STK40: variants seen among roughly 807,000 people sequenced by gnomAD.
STK40 encodes serine/threonine kinase 40, also known as serine/threonine-protein kinase 40.
STK40 carries 13 observed loss-of-function variants against 47.9 expected under a neutral mutation model. The ratio of observed to expected loss-of-function variants is 0.27; its 90% CI spans 0.18 to 0.43. The LOEUF is 0.43. Among genes scored for constraint, STK40 ranks in the 20% least tolerant of loss-of-function variants. The probability of loss-of-function intolerance (pLI) is 1.00; values close to 1 mark genes in which losing one functional copy is unlikely to be tolerated. For missense variants in STK40, 460 were observed against 595.1 expected, an observed-to-expected ratio of 0.77 and a Z score of 2.36; for synonymous variants, 225 against 243.2, an observed-to-expected ratio of 0.93 and a Z score of 0.69.
At chr1:36,373,788 A>G (rs562089236) in intron 1 of STK40, among the ~76,000 whole-genome samples, 3 of 152,350 alleles carry the variant, frequency 2.0e-5, no homozygotes, top group Admixed American at 2.0e-4. Context: ...ATAATATCAC[A>G]TCATTTAATG....
chr1:36,361,709 C>T (rs1570452086), intron 1 of STK40, among the ~76,000 whole-genome samples: 1 of 152,194 alleles, frequency 6.6e-6, no homozygotes, highest in East Asian at 1.9e-4. Flanking sequence ...GAGAGCCAGC[C>T]CCATCCAGCT....
At chr1:36,381,315 C>T (rs1321959657) in intron 1 of STK40, among the ~76,000 whole-genome samples, 1 of 152,206 alleles carries the variant, frequency 6.6e-6, no homozygotes, top group African/African-American at 2.4e-5. Flanking sequence ...GCCTGCCTAC[C>T]TCTCAGGCAC....
intron 1 of STK40, among the ~76,000 whole-genome samples, chr1:36,367,689 A>ATGAAAC (rs11281467): frequency 0.079 from 11,946 of 152,168 alleles, 1,540 homozygotes; most frequent in African/African-American, 0.27. Context: ...CACTGAGCAG[A>ATGAAAC]TGAAACGCCA....
chr1:36,341,815 G>A lies in STK40; in HGVS notation c.1248C>T (p.Asp416=), dbSNP rs112242536. ...SAPPVRRLGH[D]AQPMTSLDTA... ...TGTCCAAGGAGGTCATGGGCTGTGC[G>A]TCGTGGCCCAGCCGTCGCACCGGTG... The change falls in exon 11 of 11, where the codon GAC becomes GAT. Residue 416 remains aspartate, a synonymous_variant. Coordinates refer to ENST00000373132, the MANE Select transcript of STK40 (RefSeq NM_001282547.2). 31 of 1,613,332 alleles carry A rather than the reference G, an allele frequency of 1.9e-5. No individual in the cohort carries two copies. The highest frequency in any genetic ancestry group is 1.8e-4 in the Middle Eastern group (1 of 5,522).
At chr1:36,354,624 A>G (rs554345311) in intron 5 of STK40, among the ~76,000 whole-genome samples, 16 of 152,162 alleles carry the variant, frequency 1.1e-4, no homozygotes, top group Non-Finnish European at 1.9e-4. Context: ...GCACCTAGTC[A>G]GTGTCTCCCC....
intron 3 of STK40, 60 bp from the exon 4 acceptor site, chr1:36,358,442 A>C: frequency 1.3e-6 from 2 of 1,550,690 alleles, no homozygotes; most frequent in Non-Finnish European, 8.8e-7. Context: ...ACAGCAGAAC[A>C]ACCAGAACGG....
chr1:36,344,797 C>T (rs1646686210), intron 7 of STK40, among the ~76,000 whole-genome samples: 1 of 152,214 alleles, frequency 6.6e-6, no homozygotes, highest in Non-Finnish European at 1.5e-5. Context: ...AGCACGGACC[C>T]AAGTATTTGC....
chr1:36,379,671 C>T (rs961439849), intron 1 of STK40, among the ~76,000 whole-genome samples: 6 of 152,070 alleles, frequency 3.9e-5, no homozygotes, highest in Non-Finnish European at 7.4e-5. Context: ...TGAGCCACCG[C>T]GCCCGGCCTG....
intron 1 of STK40, among the ~76,000 whole-genome samples, chr1:36,375,522 G>A (rs1383877473): frequency 5.3e-5 from 8 of 150,610 alleles, no homozygotes; most frequent in African/African-American, 1.9e-4. Flanking sequence ...AAAAAAAAGA[G>A]AAATGTTATG....
intron 1 of STK40, among the ~76,000 whole-genome samples, chr1:36,381,399 T>C (rs1280502196): frequency 3.3e-5 from 5 of 152,168 alleles, no homozygotes; most frequent in Admixed American, 2.0e-4. Context: ...AATTACCACA[T>C]ATCCGTGCTT....
intron 1 of STK40, chr1:36,365,960 T>C (rs529065571): frequency 6.6e-6 from 1 of 152,214 alleles, no homozygotes; most frequent in African/African-American, 2.4e-5. Context: ...ACTCCATGAG[T>C]GAACGGATAC....
chr1:36,370,880 CT>C lies in STK40; in HGVS notation c.-8-9541del, dbSNP rs776772949. 9.9e-3 allele frequency among the ~76,000 whole-genome samples: 1,405 copies of C among 141,464 alleles called. 11 individuals carry two copies. The highest frequency in any genetic ancestry group is 0.024 in the African/African-American group (947 of 38,846). 92.8% of individuals were successfully genotyped at this position (141,464 alleles called of 152,430 possible). A position where few individuals can be genotyped will look rare whatever the true frequency, so the allele number is the denominator to read the frequency against. ...CCTGTGCATATACTCCCGTACTACA[CT>C]TTTTTTTTTTTTTTTGATGGAGTCT... On this transcript the variant is annotated intron_variant, in intron 1 of 10. Transcript: ENST00000373132.
At chr1:36,354,546 C>T (rs1646785613) in intron 5 of STK40, 130 bp from the exon 6 acceptor site, 1 of 898,942 alleles carries the variant, frequency 1.1e-6, no homozygotes, top group African/African-American at 1.6e-5. Flanking sequence ...TCTTTAGGCT[C>T]CAAGCACAGG....
intron 4 of STK40, among the ~76,000 whole-genome samples, chr1:36,356,629 G>A (rs939647151): frequency 1.3e-5 from 2 of 151,914 alleles, no homozygotes; most frequent in African/African-American, 4.8e-5. Context: ...GTTTCACCGT[G>A]TTAGCCAGTA....
intron 1 of STK40, chr1:36,367,899 CCTGA>C: frequency 5.3e-5 from 52 of 985,490 alleles, no homozygotes; most frequent in Non-Finnish European, 6.0e-5. Flanking sequence ...CGCCAGCCTC[CCTGA>C]ATGGGTCTGT....
intron 1 of STK40, among the ~76,000 whole-genome samples, chr1:36,369,597 C>G (rs1646928473): frequency 6.6e-6 from 1 of 152,218 alleles, no homozygotes; most frequent in African/African-American, 2.4e-5. Context: ...TTGGTCCTCA[C>G]TGAAATGTCA....
intron 2 of STK40, 49 bp from the exon 3 acceptor site, chr1:36,358,871 A>G: frequency 6.2e-7 from 1 of 1,607,152 alleles, no homozygotes. Flanking sequence ...CCTGGCTGTC[A>G]CGACGCCAGG....
rs139543890 is a variant in STK40 at position 36,378,948 on chromosome 1, C to T, written c.-9+6775G>A. Among the ~76,000 whole-genome samples, 292 of 152,314 alleles carry T rather than the reference C, an allele frequency of 1.9e-3. 1 individual carries two copies. The highest frequency in any genetic ancestry group is 6.2e-3 in the African/African-American group (259 of 41,576). On this transcript the variant is annotated intron_variant, in intron 1 of 10. Coordinates refer to ENST00000373132, the MANE Select transcript of STK40 (RefSeq NM_001282547.2). ...CAGCAACAGGATTCCAAAAGCCCCA[C>T]GGAATGCTGGGCTACACCAGGCCCA... is the stretch of plus-strand genomic sequence containing the variant.
chr1:36,342,895 A>T, intron 10 of STK40: 1 of 437,842 alleles, frequency 2.3e-6, no homozygotes, highest in Non-Finnish European at 4.2e-6. Flanking sequence ...GGGCACCCTA[A>T]GATCACCTGC....
Sources: gnomAD v4.1 joint callset for allele counts (sites outside exome capture counted in the v4.1 genomes callset) on GRCh38, gnomAD v4.1.1 for gene constraint, MANE v1.5 for transcripts, NCBI Gene and HGNC (gene_info 2026-07-23, HGNC 2026-07-21) for gene names.